Variants in PKHD1 observed in about 807,000 individuals in gnomAD.
The protein encoded by PKHD1 is PKHD1 ciliary IPT domain containing fibrocystin/polyductin.
A neutral mutation model predicts 412.0 loss-of-function variants in PKHD1; 291 were observed. The observed-to-expected ratio is 0.71, with a 90% confidence interval of 0.64 to 0.78. The LOEUF (loss-of-function observed/expected upper bound fraction) is 0.78. Among genes scored for constraint, PKHD1 ranks in the 30% least tolerant of loss-of-function variants. The probability of loss-of-function intolerance (pLI) is 0.00; values close to 1 mark genes in which losing one functional copy is unlikely to be tolerated. For missense variants in PKHD1, 4,825 were observed against 4,950.7 expected (o/e 0.97, Z 0.76); for synonymous variants, 1,777 against 1,821.5 (o/e 0.98, Z 0.62).
intron 9 of PKHD1, 95 bp downstream of exon 9, chr6:52,070,911 T>C (rs939594441): frequency 1.6e-5 from 13 of 789,078 alleles, no homozygotes; most frequent in Middle Eastern, 2.2e-4. Flanking sequence ...GTTATTATTA[T>C]TATCCTCATG....
At chr6:51,643,187 A>G (rs1303570029) in intron 63 of PKHD1, among the ~76,000 whole-genome samples, 1 of 152,216 alleles carries the variant, frequency 6.6e-6, no homozygotes, top group Non-Finnish European at 1.5e-5. Flanking sequence ...GAACAGAATG[A>G]CAGCATCAAA....
chr6:51,643,244 G>T (rs1477101318), intron 63 of PKHD1, among the ~76,000 whole-genome samples: 1 of 152,114 alleles, frequency 6.6e-6, no homozygotes, highest in East Asian at 1.9e-4. Context: ...TTCACAGTGG[G>T]CAACCTTGGA....
intron 60 of PKHD1, among the ~76,000 whole-genome samples, chr6:51,693,769 G>A (rs1286772713): frequency 6.6e-6 from 1 of 152,184 alleles, no homozygotes; most frequent in Non-Finnish European, 1.5e-5. Context: ...CATGTACTGA[G>A]TGACTGAGTG....
intron 60 of PKHD1, among the ~76,000 whole-genome samples, chr6:51,738,538 T>C (rs992514891): frequency 6.6e-6 from 1 of 152,232 alleles, no homozygotes; most frequent in Admixed American, 6.5e-5. Context: ...TGGTTAACCA[T>C]GTGAGATGAT....
intron 60 of PKHD1, among the ~76,000 whole-genome samples, chr6:51,737,376 G>C (rs919239898): frequency 1.3e-5 from 2 of 152,090 alleles, no homozygotes; most frequent in East Asian, 3.8e-4. Context: ...ACATTTTGAG[G>C]TCAGTCACCT....
chr6:51,715,707 T>C (rs567887539), intron 60 of PKHD1, among the ~76,000 whole-genome samples: 12 of 152,280 alleles, frequency 7.9e-5, no homozygotes, highest in African/African-American at 2.6e-4. Context: ...TGGGAAGAAA[T>C]GTAGCACCTA....
At chr6:51,868,294 G>C (rs962041903) in intron 47 of PKHD1, among the ~76,000 whole-genome samples, 185 bp from the exon 48 acceptor site, 1 of 152,088 alleles carries the variant, frequency 6.6e-6, no homozygotes, top group Non-Finnish European at 1.5e-5. Context: ...CCAAGCTCTG[G>C]TGTGCTAGAG....
chr6:51,791,166 C>T, intron 53 of PKHD1, 70 bp downstream of exon 53: 1 of 1,471,888 alleles, frequency 6.8e-7, no homozygotes, highest in Non-Finnish European at 9.5e-7. Context: ...ATGATACCAT[C>T]TGTTTCCCAG....
At chr6:52,064,361 G>T (rs1410635199) in intron 13 of PKHD1, among the ~76,000 whole-genome samples, 2 of 152,180 alleles carry the variant, frequency 1.3e-5, no homozygotes, top group Non-Finnish European at 2.9e-5. Context: ...GCTGCTGTAG[G>T]GTGGATGCTT....
chr6:51,880,983 A>G (rs1320204739), intron 46 of PKHD1, among the ~76,000 whole-genome samples: 1 of 150,518 alleles, frequency 6.6e-6, no homozygotes, highest in African/African-American at 2.4e-5. Context: ...AAAAAAAGAA[A>G]GTGTTAATTC....
intron 50 of PKHD1, among the ~76,000 whole-genome samples, chr6:51,841,025 TTAAG>T (rs1770093745): frequency 6.6e-6 from 1 of 151,834 alleles, no homozygotes; most frequent in Non-Finnish European, 1.5e-5. Flanking sequence ...AAGAAAAATA[TTAAG>T]TAAATAATCA....
At chr6:52,021,000 C>G (rs1426902716) in intron 33 of PKHD1, among the ~76,000 whole-genome samples, 1 of 152,090 alleles carries the variant, frequency 6.6e-6, no homozygotes, top group Non-Finnish European at 1.5e-5. Flanking sequence ...CATCTTGGAT[C>G]TTAAGTAAGA....
chr6:51,638,710 C>A, intron 64 of PKHD1, 139 bp downstream of exon 64: 1 of 677,168 alleles, frequency 1.5e-6, no homozygotes. Context: ...CTTAATGATA[C>A]AGTCAAGTGA....
intron 39 of PKHD1, among the ~76,000 whole-genome samples, chr6:51,910,814 A>C (rs1442059957): frequency 6.6e-6 from 1 of 152,128 alleles, no homozygotes; most frequent in Non-Finnish European, 1.5e-5. Context: ...ATTTGTGAGT[A>C]GATGATTTGT....
At chr6:51,745,541 A>G (rs1785081690) in intron 59 of PKHD1, among the ~76,000 whole-genome samples, 1 of 152,034 alleles carries the variant, frequency 6.6e-6, no homozygotes, top group Non-Finnish European at 1.5e-5. Context: ...CTCCAGAACT[A>G]TAAGAAATAA....
At chr6:52,035,794 T>A (rs554917453) in intron 27 of PKHD1, 73 bp from the exon 28 acceptor site, 5 of 1,412,590 alleles carry the variant, frequency 3.5e-6, no homozygotes, top group South Asian at 2.3e-5. Flanking sequence ...ATGCACAAGA[T>A]GGATAAAATG....
intron 53 of PKHD1, among the ~76,000 whole-genome samples, chr6:51,782,251 T>C (rs1792155416): frequency 6.6e-6 from 1 of 152,142 alleles, no homozygotes; most frequent in Non-Finnish European, 1.5e-5. Flanking sequence ...TGTATTAGTG[T>C]TTGGCTTAAA....
intron 55 of PKHD1, among the ~76,000 whole-genome samples, chr6:51,765,507 C>G (rs558811291): frequency 9.9e-5 from 15 of 152,176 alleles, no homozygotes; most frequent in African/African-American, 2.9e-4. Flanking sequence ...CTGTTTCCCC[C>G]CTACCCCCAC....
At chr6:51,695,523 A>G (rs948428552) in intron 60 of PKHD1, among the ~76,000 whole-genome samples, 1 of 152,148 alleles carries the variant, frequency 6.6e-6, no homozygotes, top group African/African-American at 2.4e-5. Flanking sequence ...AGTTTATTAA[A>G]TTGGTAGGAA....
Sources: gnomAD v4.1 joint callset for allele counts (sites outside exome capture counted in the v4.1 genomes callset) on GRCh38, gnomAD v4.1.1 for gene constraint, MANE v1.5 for transcripts, NCBI Gene and HGNC (gene_info 2026-07-23, HGNC 2026-07-21) for gene names.